MYO9A: variants seen among roughly 807,000 people sequenced by gnomAD.
The protein encoded by MYO9A is myosin IXA.
Under a neutral mutation model 293.3 loss-of-function variants are expected in MYO9A, and 103 were observed. The ratio of observed to expected loss-of-function variants is 0.35; its 90% confidence interval spans 0.30 to 0.41. The LOEUF is 0.41. Among genes scored for constraint, MYO9A ranks in the 10% least tolerant of loss-of-function variants. The pLI, the probability that MYO9A is intolerant of heterozygous loss-of-function variation, is 1.00. For synonymous variants in MYO9A, 1,001 were observed against 1,035.7 expected (o/e 0.97, Z 0.64); for missense variants, 2,685 against 3,033.0 (o/e 0.89, Z 2.69).
At chr15:71,961,402 T>G (rs1362099056) in intron 13 of MYO9A, among the ~76,000 whole-genome samples, 1 of 152,136 alleles carries the variant, frequency 6.6e-6, no homozygotes, top group African/African-American at 2.4e-5. Flanking sequence ...AGAGATCAGT[T>G]TTTTCCAAGT....
chr15:71,854,559 T>C lies in MYO9A; in HGVS notation c.6164A>G (p.Glu2055Gly). ...AACCCCAAATTGTCGAGATGACAGC[T>C]CTGGATCATACTAAATGAAAGATAA... is the stretch of plus-strand genomic sequence containing the variant. The part of the protein sequence containing the change: ...TAKCSKKYDP[E>G]LSSRQFGVEL... The change falls in exon 35 of 42, where the codon GAG (glutamate) becomes GGG (glycine). Residue 2055 changes from glutamate to glycine, a missense_variant. Physicochemically the swap from Glu to Gly is moderately conservative, Grantham distance 98 (BLOSUM62 -2). Transcript: ENST00000356056. 1 of 1,593,538 alleles carries C rather than the reference T, an allele frequency of 6.3e-7. No individual in the cohort carries two copies. Among genetic ancestry groups the C allele is most frequent in the Non-Finnish European group, 8.5e-7 (1 of 1,172,896 alleles).
intron 39 of MYO9A, among the ~76,000 whole-genome samples, chr15:71,834,101 A>C (rs1032366186): frequency 6.6e-6 from 1 of 152,120 alleles, no homozygotes; most frequent in Admixed American, 6.5e-5. Flanking sequence ...AACCCTAGCA[A>C]GACTAAAAGA....
rs752635624 is a variant in MYO9A at position 71,848,868 on chromosome 15, A to G, written c.6814T>C (p.Leu2272=). The G allele has an allele frequency of 8.7e-6, 14 of 1,609,268 alleles. No individual in the cohort carries two copies. The highest frequency in any genetic ancestry group is 1.7e-4 in the Middle Eastern group (1 of 6,034). Residue 2272 remains leucine (L), a synonymous_variant, in exon 39 of 42, where the codon TTG becomes CTG. Coordinates refer to ENST00000356056, the MANE Select transcript of MYO9A (RefSeq NM_006901.4). ...EFAENKAKTR[L]SLIRRSMGKG... is the part of the protein sequence containing the mutation. ...ACCATTGATCTACGAATCAGTGACA[A>G]CCTGGTCTTTGCCTTATTCTCAGCA... is the stretch of plus-strand genomic sequence containing the variant.
Position 71,899,856 on chromosome 15 carries a change from C to G in MYO9A, c.3301G>C (p.Ala1101Pro). The G allele has an allele frequency of 1.2e-6, 2 of 1,614,150 alleles. No homozygotes were observed. Among genetic ancestry groups the G allele is most frequent in the South Asian group, 2.2e-5 (2 of 91,092 alleles). ...RQRYLELRAAAIVIQQKWRDY... is the reference protein window; with the variant it reads ...RQRYLELRAAPIVIQQKWRDY... ...CTCCATTTCTGCTGGATAACGATGG[C>G]TGCAGCCCGTAACTCCAAGTACCGC... Residue 1101 changes from alanine to proline, a missense_variant, in exon 24 of 42, where the codon GCC (alanine) becomes CCC (proline). By Grantham distance (27) the Ala-to-Pro change is conservative. Coordinates refer to ENST00000356056, the MANE Select transcript of MYO9A (RefSeq NM_006901.4).
At position 71,898,013 on chromosome 15, in the gene MYO9A, T is replaced by C; in HGVS notation, c.4490A>G (p.Lys1497Arg). ...LKKLEKLNTE[K>R]EERQKQLQQQ... ...CTGCAACTGTTTTTGCCTTTCTTCCTTCTCAGTGTTTAGCTTTTCTAACTT... is the reference window on the plus strand; with the variant it reads ...CTGCAACTGTTTTTGCCTTTCTTCCCTCTCAGTGTTTAGCTTTTCTAACTT... The change falls in exon 25 of 42, where the codon AAG (lysine) becomes AGG (arginine). Residue 1497 changes from lysine (K) to arginine (R), a missense_variant. Physicochemically the swap from Lys to Arg is conservative, Grantham distance 26. Around this residue, in one of 10 missense-constraint regions of MYO9A, gnomAD observed 1,434 missense variants for 1,497.7 expected, o/e 0.96. Transcript: ENST00000356056. 1 of 1,614,164 alleles carries C rather than the reference T, an allele frequency of 6.2e-7. No individual in the cohort carries two copies. Among genetic ancestry groups the C allele is most frequent in the Non-Finnish European group, 8.5e-7 (1 of 1,180,044 alleles).
At chr15:72,023,521 C>A (rs1460080562) in intron 4 of MYO9A, among the ~76,000 whole-genome samples, 1 of 151,634 alleles carries the variant, frequency 6.6e-6, no homozygotes, top group Non-Finnish European at 1.5e-5. Context: ...GGTGAAACCC[C>A]GTCTCTACTA....
chr15:72,114,918 T>C (rs2080914292), intron 1 of MYO9A, among the ~76,000 whole-genome samples: 1 of 152,222 alleles, frequency 6.6e-6, no homozygotes, highest in South Asian at 2.1e-4. Flanking sequence ...CTCCTACATT[T>C]CTCTGCTATT....
intron 26 of MYO9A, chr15:71,891,900 G>A (rs1418463891): frequency 1.3e-5 from 2 of 152,076 alleles, no homozygotes; most frequent in East Asian, 3.8e-4. Context: ...GCTTAAAACA[G>A]TTCAAAGATA....
At position 72,062,477 on chromosome 15, in the gene MYO9A, A is replaced by G. The variant is rs1239978661; in HGVS notation, c.-71-15843T>C. Among the ~76,000 whole-genome samples the G allele has an allele frequency of 4.6e-5, 7 of 152,364 alleles. No individual in the cohort carries two copies. In the East Asian group the frequency reaches 1.2e-3, roughly 25 times the overall value. ...TAACACAGAAGGAATTCAGAATCCT[A>G]TCAGATAAACTTAACAAAGACTAAA... On this transcript the variant is annotated intron_variant, in intron 1 of 41. Coordinates refer to ENST00000356056, the MANE Select transcript of MYO9A (RefSeq NM_006901.4).
Position 72,117,856 on chromosome 15 carries a change from A to G in MYO9A, c.-248T>C. 2.5e-6 allele frequency: 1 copy of G among 398,482 alleles called. No homozygotes were observed. Among genetic ancestry groups the G allele is most frequent in the Non-Finnish European group, 4.4e-6 (1 of 225,834 alleles). 24.7% of individuals were successfully genotyped at this position (398,482 alleles called of 1,614,324 possible). ...GGGTCCGGGCGAGCGGCCGCGGCGC[A>G]TCCCCCGCCCTGTCAGAGAGACTCC... On this transcript the variant is annotated 5_prime_UTR_variant, in exon 1 of 42. It removes an upstream start codon present in the reference 5' UTR. Transcript: ENST00000356056.
At chr15:72,106,342 A>G (rs2080568153) in intron 1 of MYO9A, among the ~76,000 whole-genome samples, 1 of 152,068 alleles carries the variant, frequency 6.6e-6, no homozygotes, top group Non-Finnish European at 1.5e-5. Flanking sequence ...TAAAAAAATA[A>G]TTAGGAAGGC....
chr15:71,983,250 G>C (rs1158502661), intron 11 of MYO9A, among the ~76,000 whole-genome samples: 1 of 150,328 alleles, frequency 6.7e-6, no homozygotes, highest in Non-Finnish European at 1.5e-5. Context: ...CTTATCCTCT[G>C]TATTTTTTTT....
chr15:71,947,094 G>T (rs1321373557), intron 15 of MYO9A, among the ~76,000 whole-genome samples: 1 of 152,056 alleles, frequency 6.6e-6, no homozygotes, highest in African/African-American at 2.4e-5. Flanking sequence ...TCCAGTCTGG[G>T]TGACAGAACG....
chr15:72,066,368 C>T (rs755628669), intron 1 of MYO9A, among the ~76,000 whole-genome samples: 14 of 152,018 alleles, frequency 9.2e-5, no homozygotes, highest in Admixed American at 2.0e-4. Flanking sequence ...TGCCTCTAGT[C>T]TCAGCTACTC....
intron 33 of MYO9A, among the ~76,000 whole-genome samples, chr15:71,861,689 A>AAAC (rs1014991383): frequency 4.2e-5 from 6 of 142,596 alleles, no homozygotes; most frequent in African/African-American, 1.7e-4. Flanking sequence ...TAAAAAAAAA[A>AAAC]AAAAAAAAAA....
At chr15:71,920,412 T>C (rs531659337) in intron 18 of MYO9A, among the ~76,000 whole-genome samples, 1 of 152,248 alleles carries the variant, frequency 6.6e-6, no homozygotes, top group African/African-American at 2.4e-5. Context: ...GTGGTATTAG[T>C]ACCTTGATAA....
At position 71,960,051 on chromosome 15, in the gene MYO9A, C is replaced by T. The variant is rs1596285346; in HGVS notation, c.2032G>A (p.Ala678Thr). The T allele has an allele frequency of 6.2e-7, 1 of 1,613,958 alleles. No homozygotes were observed. The highest frequency in any genetic ancestry group is 1.1e-5 in the South Asian group (1 of 91,062). ...GCATTCTTGCTGCTTCTCAGAAGAGCTACAATGTCTGGGCGCATATGATCT... is the reference window on the plus strand; with the variant it reads ...GCATTCTTGCTGCTTCTCAGAAGAGTTACAATGTCTGGGCGCATATGATCT... ...NTDHMRPDIVALLRSSKNAFI... is the reference protein window; with the variant it reads ...NTDHMRPDIVTLLRSSKNAFI... Residue 678 changes from alanine to threonine, a missense_variant, in exon 14 of 42, where the codon GCT (alanine) becomes ACT (threonine). This residue lies in a region of MYO9A where 201 missense variants were observed against 245.2 expected (regional missense o/e 0.82). Coordinates refer to ENST00000356056, the MANE Select transcript of MYO9A (RefSeq NM_006901.4).
chr15:71,828,276 A>T (rs575996187), intron 40 of MYO9A, among the ~76,000 whole-genome samples: 1 of 152,332 alleles, frequency 6.6e-6, no homozygotes, highest in South Asian at 2.1e-4. Context: ...GTGAAGAAAG[A>T]TGTAGTGGTG....
chr15:72,100,578 T>C (rs2080244356), intron 1 of MYO9A, among the ~76,000 whole-genome samples: 2 of 148,272 alleles, frequency 1.3e-5, no homozygotes, highest in African/African-American at 5.0e-5. Context: ...CGGCCGCCCA[T>C]CATCTGAGAT....
Sources: allele counts gnomAD v4.1 joint callset (sites outside exome capture counted in the v4.1 genomes callset), GRCh38; gene constraint gnomAD v4.1.1; regional missense constraint gnomAD v4.1.1; transcripts MANE v1.5; gene names NCBI Gene and HGNC (gene_info 2026-07-23, HGNC 2026-07-21).